The following BPIFC variants were observed in gnomAD, a reference collection of about 807,000 sequenced individuals.
BPIFC encodes the protein BPI fold containing family C.
In BPIFC, 60 loss-of-function variants were observed where a neutral mutation model predicts 57.6. That is an observed-to-expected ratio of 1.04 (90% CI 0.85 to 1.29). BPIFC has a LOEUF of 1.29. Ranked by LOEUF, BPIFC falls within the 50% of genes most tolerant of loss-of-function variation. BPIFC has a pLI of 0.00. For missense variants in BPIFC, 581 were observed against 600.5 expected (o/e 0.97, Z 0.34); for synonymous variants, 243 against 224.5 (o/e 1.08, Z -0.74).
intron 3 of BPIFC, among the ~76,000 whole-genome samples, chr22:32,456,515 G>C (rs1791572697): frequency 7.1e-6 from 1 of 141,510 alleles, no homozygotes. Flanking sequence ...GCATTTCTTA[G>C]TTAGGCTTAG....
intron 7 of BPIFC, among the ~76,000 whole-genome samples, chr22:32,443,929 C>G (rs1042028257): frequency 2.0e-5 from 3 of 152,184 alleles, no homozygotes; most frequent in Non-Finnish European, 4.4e-5. Flanking sequence ...CCCCTAATTA[C>G]AGATGGGAAA....
At chr22:32,429,550 T>C (rs1934180691) in intron 13 of BPIFC, among the ~76,000 whole-genome samples, 1 of 132,310 alleles carries the variant, frequency 7.6e-6, no homozygotes, top group Non-Finnish European at 1.6e-5. Context: ...GAAGTCCCGC[T>C]CTGTTGCCCA....
intron 8 of BPIFC, among the ~76,000 whole-genome samples, chr22:32,442,024 T>C (rs902235787): frequency 6.6e-6 from 1 of 152,234 alleles, no homozygotes; most frequent in African/African-American, 2.4e-5. Flanking sequence ...CTCAGTCGCC[T>C]GCCCACTGTT....
intron 14 of BPIFC, among the ~76,000 whole-genome samples, chr22:32,418,647 C>T (rs1933750886): frequency 6.6e-6 from 1 of 152,130 alleles, no homozygotes; most frequent in Admixed American, 6.6e-5. Flanking sequence ...GTTCCGGGCT[C>T]AATAAGTATT....
chr22:32,441,075 T>C (rs1934552791), intron 8 of BPIFC, among the ~76,000 whole-genome samples: 1 of 152,074 alleles, frequency 6.6e-6, no homozygotes, highest in Non-Finnish European at 1.5e-5. Flanking sequence ...TCTGGCCTCA[T>C]TGCCTGCTCT....
At chr22:32,461,907 C>T (rs1345628587) in intron 1 of BPIFC, among the ~76,000 whole-genome samples, 3 of 152,060 alleles carry the variant, frequency 2.0e-5, no homozygotes, top group South Asian at 4.1e-4. Context: ...GGCGTGGTGG[C>T]TCACGCCTAT....
intron 5 of BPIFC, 89 bp from the exon 6 acceptor site, chr22:32,446,085 T>C (rs59738244): frequency 0.077 from 112,286 of 1,461,998 alleles, 4,685 homozygotes; most frequent in Middle Eastern, 0.12. Flanking sequence ...TCTAAGCTCC[T>C]GGACTGCAGT....
intron 5 of BPIFC, chr22:32,446,925 G>A (rs1934745868): frequency 1.8e-6 from 1 of 544,498 alleles, no homozygotes; most frequent in South Asian, 8.0e-5. Context: ...GATCGAAAAT[G>A]TTGAGCATGC....
intron 4 of BPIFC, 96 bp downstream of exon 4, chr22:32,453,287 G>T: frequency 2.2e-6 from 2 of 914,334 alleles, no homozygotes; most frequent in Non-Finnish European, 3.2e-6. Context: ...AGATAAGAAG[G>T]CTGGATTCTG....
intron 13 of BPIFC, among the ~76,000 whole-genome samples, chr22:32,428,604 C>T (rs988279478): frequency 1.3e-5 from 2 of 151,438 alleles, no homozygotes; most frequent in African/African-American, 2.4e-5. Flanking sequence ...AACAAACAAA[C>T]AAAACATTGT....
intron 1 of BPIFC, among the ~76,000 whole-genome samples, chr22:32,462,069 C>G (rs775804974): frequency 6.8e-6 from 1 of 146,250 alleles, no homozygotes; most frequent in Non-Finnish European, 1.5e-5. Flanking sequence ...ATGTGGGAGG[C>G]TGAGGCAGGA....
chr22:32,423,577 G>GGTGT (rs369571670), intron 13 of BPIFC, among the ~76,000 whole-genome samples: 16,504 of 143,110 alleles, frequency 0.12, 1,231 homozygotes, highest in East Asian at 0.4. Context: ...GTAGGGTGTG[G>GGTGT]GTGTGTGTGT....
intron 13 of BPIFC, among the ~76,000 whole-genome samples, chr22:32,420,551 T>C (rs1933818933): frequency 6.6e-6 from 1 of 152,186 alleles, no homozygotes; most frequent in Non-Finnish European, 1.5e-5. Flanking sequence ...TACAGTATAA[T>C]TGTTAGTAAC....
At chr22:32,424,654 T>TCCTCCTCCTCCTCCTCCTCCTCCTCC in intron 13 of BPIFC, among the ~76,000 whole-genome samples, 1 of 61,354 alleles carries the variant, frequency 1.6e-5, no homozygotes, top group Non-Finnish European at 2.8e-5. Flanking sequence ...CTTCTTCTTC[T>TCCTCCTCCTCCTCCTCCTCCTCCTCC]TCTTCTTCTT....
At chr22:32,445,735 A>AAAATT in intron 6 of BPIFC, 37 bp from the exon 7 acceptor site, 2 of 1,520,376 alleles carry the variant, frequency 1.3e-6, no homozygotes, top group Non-Finnish European at 1.8e-6. Context: ...AAAAAAAAAA[A>AAAATT]GAGGTTACTC....
Position 32,464,423 on chromosome 22 carries a change from G to A in BPIFC, c.-138C>T. ...CTGGAGAGCACCTTCGATTCTCTCT[G>A]CCTTTGAAGCTGATGTGTTCTCCAC... On this transcript the variant is annotated 5_prime_UTR_variant, in exon 1 of 17. Coordinates refer to ENST00000300399, the MANE Select transcript of BPIFC (RefSeq NM_174932.3). 1 of 985,308 alleles carries A rather than the reference G, an allele frequency of 1.0e-6. No homozygotes were observed. The highest frequency in any genetic ancestry group is 1.2e-6 in the Non-Finnish European group (1 of 829,916). The allele number at this position is 985,308 out of a possible 1,614,324, so 61.0% of individuals were successfully genotyped here. A position where few individuals can be genotyped will look rare whatever the true frequency, so the allele number is the denominator to read the frequency against.
intron 4 of BPIFC, among the ~76,000 whole-genome samples, chr22:32,453,036 T>G (rs1934937999): frequency 6.6e-6 from 1 of 152,228 alleles, no homozygotes; most frequent in African/African-American, 2.4e-5. Flanking sequence ...CTAATAAATG[T>G]GGCCATATAA....
chr22:32,416,044 G>A, intron 15 of BPIFC, 53 bp from the exon 16 acceptor site: 1 of 1,186,294 alleles, frequency 8.4e-7, no homozygotes, highest in Non-Finnish European at 1.2e-6. Context: ...AGAGGTTTTA[G>A]CAAGCTTTTT....
At chr22:32,424,771 T>TTCC (rs1217644284) in intron 13 of BPIFC, among the ~76,000 whole-genome samples, 3 of 128,720 alleles carry the variant, frequency 2.3e-5, no homozygotes, top group African/African-American at 1.1e-4. Flanking sequence ...CTTCTTCTTC[T>TTCC]TCTTCTTCTT....
Sources: gnomAD v4.1 joint callset for allele counts (sites outside exome capture counted in the v4.1 genomes callset) on GRCh38, gnomAD v4.1.1 for gene constraint, MANE v1.5 for transcripts, NCBI Gene and HGNC (gene_info 2026-07-23, HGNC 2026-07-21) for gene names.